Variants in PDGFC observed in about 807,000 individuals in gnomAD.
The protein encoded by PDGFC is platelet derived growth factor C.
In PDGFC, 12 loss-of-function variants were observed where a neutral mutation model predicts 35.5. The observed-to-expected ratio is 0.34, with a 90% CI of 0.22 to 0.55. PDGFC has a LOEUF of 0.55. PDGFC is among the 20% of genes least tolerant of loss of function. The pLI is 0.91. For synonymous variants in PDGFC, 159 were observed against 148.8 expected (o/e 1.07, Z -0.50); for missense variants, 322 against 412.4 (o/e 0.78, Z 1.90).
chr4:156,960,906 T>A (rs554495686), intron 1 of PDGFC, among the ~76,000 whole-genome samples: 1 of 152,142 alleles, frequency 6.6e-6, no homozygotes, highest in Non-Finnish European at 1.5e-5. Context: ...GTTTTTCCTA[T>A]GTTCTTTACA....
chr4:156,920,739 A>G (rs1579100373), intron 1 of PDGFC, among the ~76,000 whole-genome samples: 1 of 151,970 alleles, frequency 6.6e-6, no homozygotes, highest in East Asian at 1.9e-4. Context: ...AGTTATGCCT[A>G]AGAATTTTCT....
intron 1 of PDGFC, among the ~76,000 whole-genome samples, chr4:156,910,128 T>C (rs1470533674): frequency 6.6e-6 from 1 of 152,116 alleles, no homozygotes; most frequent in African/African-American, 2.4e-5. Context: ...CTGTGAATTG[T>C]TTTTTGTTGG....
chr4:156,786,177 C>T (rs1448221599), intron 3 of PDGFC, among the ~76,000 whole-genome samples: 1 of 151,980 alleles, frequency 6.6e-6, no homozygotes, highest in African/African-American at 2.4e-5. Flanking sequence ...CTAATACGAG[C>T]CAGACACTCT....
intron 1 of PDGFC, among the ~76,000 whole-genome samples, chr4:156,875,408 T>C (rs1371600307): frequency 1.3e-5 from 2 of 151,900 alleles, no homozygotes; most frequent in Non-Finnish European, 2.9e-5. Context: ...GTTACAGAGA[T>C]GGAAAGGGAA....
intron 1 of PDGFC, among the ~76,000 whole-genome samples, chr4:156,924,271 T>C (rs978453121): frequency 3.3e-5 from 5 of 152,226 alleles, no homozygotes; most frequent in Non-Finnish European, 7.3e-5. Context: ...TGAAATCAGG[T>C]CCTTTTATTC....
At chr4:156,960,971 C>A (rs962766597) in intron 1 of PDGFC, among the ~76,000 whole-genome samples, 1 of 152,030 alleles carries the variant, frequency 6.6e-6, no homozygotes, top group Admixed American at 6.6e-5. Context: ...AAATTAGAAA[C>A]GAACACTGCA....
At chr4:156,819,410 C>T (rs1326438218) in intron 2 of PDGFC, among the ~76,000 whole-genome samples, 1 of 152,126 alleles carries the variant, frequency 6.6e-6, no homozygotes, top group Non-Finnish European at 1.5e-5. Context: ...GGTGACTTTA[C>T]GTTGAAGCTA....
In PDGFC at chr4:156,864,545, T is replaced by C. The variant is rs551477841; in HGVS notation, c.119-14129A>G. Among the ~76,000 whole-genome samples, 15 of 152,300 alleles carry C rather than the reference T, an allele frequency of 9.8e-5. No individual in the cohort carries two copies. In the East Asian group the frequency reaches 2.7e-3, roughly 27 times the overall value. On this transcript the variant is annotated intron_variant, in intron 1 of 5. Transcript: ENST00000502773. The stretch of plus-strand genomic sequence containing the variant: ...TAATCATTAACAAATTTGATATTTT[T>C]CTCTTCACAATTCCCCTCCTCACCA...
chr4:156,799,915 T>C (rs1464035843), intron 3 of PDGFC, among the ~76,000 whole-genome samples: 2 of 152,184 alleles, frequency 1.3e-5, no homozygotes, highest in African/African-American at 4.8e-5. Flanking sequence ...AAATTCTAAT[T>C]AGTTCACCAT....
At chr4:156,797,814 A>G (rs985945638) in intron 3 of PDGFC, among the ~76,000 whole-genome samples, 4 of 152,134 alleles carry the variant, frequency 2.6e-5, no homozygotes, top group African/African-American at 9.7e-5. Context: ...GCTACTCCTT[A>G]CAAGAGTAGA....
chr4:156,899,739 C>T (rs1730721041), intron 1 of PDGFC, among the ~76,000 whole-genome samples: 1 of 152,156 alleles, frequency 6.6e-6, no homozygotes, highest in African/African-American at 2.4e-5. Context: ...TGCTTGAGCC[C>T]AGCAGGTGGA....
At chr4:156,914,810 A>G (rs1579096554) in intron 1 of PDGFC, among the ~76,000 whole-genome samples, 1 of 152,298 alleles carries the variant, frequency 6.6e-6, no homozygotes, top group South Asian at 2.1e-4. Flanking sequence ...TACAGACTGG[A>G]AAGAGATTCA....
intron 2 of PDGFC, among the ~76,000 whole-genome samples, chr4:156,820,135 A>C (rs765844223): frequency 1.3e-5 from 2 of 152,178 alleles, no homozygotes; most frequent in Non-Finnish European, 2.9e-5. Context: ...ATGGTTTCTC[A>C]AGGTTGAAAT....
intron 1 of PDGFC, among the ~76,000 whole-genome samples, chr4:156,949,657 C>T (rs1268703191): frequency 6.6e-6 from 1 of 151,822 alleles, no homozygotes; most frequent in Non-Finnish European, 1.5e-5. Context: ...GGAATTTCTT[C>T]CTAGCCAAGA....
chr4:156,928,142 G>C (rs1304715575), intron 1 of PDGFC, among the ~76,000 whole-genome samples: 1 of 152,120 alleles, frequency 6.6e-6, no homozygotes, highest in Non-Finnish European at 1.5e-5. Flanking sequence ...TTTCCCACCA[G>C]GTCCCTCCCA....
chr4:156,908,586 TTAG>T (rs1329483793), intron 1 of PDGFC, among the ~76,000 whole-genome samples: 3 of 152,156 alleles, frequency 2.0e-5, no homozygotes, highest in Admixed American at 1.3e-4. Context: ...TGGCAAAATG[TTAG>T]TAGAACTGTG....
At chr4:156,954,369 C>G (rs1732154210) in intron 1 of PDGFC, among the ~76,000 whole-genome samples, 1 of 151,802 alleles carries the variant, frequency 6.6e-6, no homozygotes, top group Non-Finnish European at 1.5e-5. Flanking sequence ...AGATTTTTGC[C>G]TTCTCTGGGA....
intron 2 of PDGFC, among the ~76,000 whole-genome samples, chr4:156,849,634 G>A (rs1183938981): frequency 1.3e-5 from 2 of 152,056 alleles, no homozygotes; most frequent in African/African-American, 4.8e-5. Flanking sequence ...TTTGGTTCAT[G>A]AATGCTTCTA....
At chr4:156,908,172 G>C (rs1341801140) in intron 1 of PDGFC, among the ~76,000 whole-genome samples, 4 of 151,674 alleles carry the variant, frequency 2.6e-5, no homozygotes, top group Non-Finnish European at 5.9e-5. Context: ...TTCCAAAAAA[G>C]AAAAAAGCAG....
Sources: gnomAD v4.1 joint callset for allele counts (sites outside exome capture counted in the v4.1 genomes callset) on GRCh38, gnomAD v4.1.1 for gene constraint, MANE v1.5 for transcripts, NCBI Gene and HGNC (gene_info 2026-07-23, HGNC 2026-07-21) for gene names.